FSTL4: variants seen among roughly 807,000 people sequenced by gnomAD.
FSTL4 encodes the protein follistatin-related protein 4.
Under a neutral mutation model 78.2 loss-of-function variants are expected in FSTL4, and 28 were observed. The ratio of observed to expected loss-of-function variants is 0.36; its 90% confidence interval spans 0.27 to 0.49. FSTL4 has a LOEUF of 0.49. Ranked by LOEUF, FSTL4 falls within the 20% of genes least tolerant of loss-of-function variation. FSTL4 has a pLI of 0.98. For synonymous variants in FSTL4, 422 were observed against 440.5 expected (o/e 0.96, Z 0.53); for missense variants, 922 against 1,084.9 (o/e 0.85, Z 2.11).
At chr5:133,307,735 G>C (rs1457252615) in intron 6 of FSTL4, among the ~76,000 whole-genome samples, 1 of 151,376 alleles carries the variant, frequency 6.6e-6, no homozygotes, top group Non-Finnish European at 1.5e-5. Flanking sequence ...CCCCAACTCT[G>C]TCTCTGGGAG....
intron 3 of FSTL4, among the ~76,000 whole-genome samples, chr5:133,492,574 A>G (rs2112869448): frequency 6.6e-6 from 1 of 152,334 alleles, no homozygotes; most frequent in East Asian, 1.9e-4. Context: ...GTTTGCAATT[A>G]GAAATTGTTC....
intron 3 of FSTL4, among the ~76,000 whole-genome samples, chr5:133,425,395 G>A (rs1283615753): frequency 1.3e-5 from 2 of 152,160 alleles, no homozygotes; most frequent in African/African-American, 4.8e-5. Context: ...GCTGTTAACC[G>A]CGCATCGCCA....
At chr5:133,215,810 T>G (rs1361805914) in intron 13 of FSTL4, among the ~76,000 whole-genome samples, 1 of 152,148 alleles carries the variant, frequency 6.6e-6, no homozygotes, top group African/African-American at 2.4e-5. Flanking sequence ...GGCCCCTTCA[T>G]CCCATCTTCA....
In FSTL4 at chr5:133,225,340, C is replaced by T; in HGVS notation, c.1178-56G>A. Reference sequence around the variant, plus strand: ...GCTCAGCTGGAGACCCACTCACTTTCCTTTATGGGGCCATTGAGAGTGTTA... The same window carrying T: ...GCTCAGCTGGAGACCCACTCACTTTTCTTTATGGGGCCATTGAGAGTGTTA... On this transcript the variant is annotated intron_variant, in intron 9 of 15. Transcript: ENST00000265342. The surrounding 1 kb of genome is among the most constrained non-coding windows in gnomAD (Gnocchi z 4.6). The T allele has an allele frequency of 2.5e-6, 4 of 1,607,970 alleles. No homozygotes were observed. The highest frequency in any genetic ancestry group is 3.4e-6 in the Non-Finnish European group (4 of 1,175,166).
chr5:133,684,774 G>A, the FSTL4 span, among the ~76,000 whole-genome samples: 1 of 152,176 alleles, frequency 6.6e-6, no homozygotes, highest in Non-Finnish European at 1.5e-5. Flanking sequence ...ATGGCAGTCT[G>A]GAGAGATGGC....
intron 3 of FSTL4, among the ~76,000 whole-genome samples, chr5:133,459,987 C>T (rs933710451): frequency 7.9e-5 from 12 of 152,182 alleles, no homozygotes; most frequent in Admixed American, 3.9e-4. Flanking sequence ...ACTTCAGCTA[C>T]GAAAGGAAAT....
At chr5:133,295,033 C>T (rs1343041103) in intron 6 of FSTL4, among the ~76,000 whole-genome samples, 1 of 152,148 alleles carries the variant, frequency 6.6e-6, no homozygotes, top group Non-Finnish European at 1.5e-5. Flanking sequence ...GACTAGGGCC[C>T]TCAAGTGGGT....
the FSTL4 span, among the ~76,000 whole-genome samples, chr5:133,683,704 A>G: frequency 6.6e-6 from 1 of 152,228 alleles, no homozygotes; most frequent in African/African-American, 2.4e-5. Context: ...GATTGAAAAC[A>G]TAACCAAGGA....
At chr5:133,678,143 G>A in the FSTL4 span, among the ~76,000 whole-genome samples, 2 of 152,122 alleles carry the variant, frequency 1.3e-5, no homozygotes, top group African/African-American at 4.8e-5. Context: ...GTTGTGTGTG[G>A]AGCCCACATC....
chr5:133,746,281 G>T, the FSTL4 span, among the ~76,000 whole-genome samples: 1 of 152,202 alleles, frequency 6.6e-6, no homozygotes, highest in Non-Finnish European at 1.5e-5. Context: ...GCACACTTTA[G>T]TACGTGTGTG....
rs1341524083 is a variant in FSTL4, at chr5:133,196,950, C to G, written c.*2145G>C. On this transcript the variant is annotated 3_prime_UTR_variant, in exon 16 of 16. Coordinates refer to ENST00000265342, the MANE Select transcript of FSTL4 (RefSeq NM_015082.2). ...TCCAGGAAATGCACTCTGAGGACAG[C>G]AAAGGGCAGCTATGCTTTTTTAGAC... 2.0e-5 allele frequency: 3 copies of G among 152,256 alleles called. No individual in the cohort carries two copies. Among genetic ancestry groups the G allele is most frequent in the African/African-American group, 7.2e-5 (3 of 41,448 alleles). The allele number at this position is 152,256 out of a possible 1,614,324, so 9.4% of individuals were successfully genotyped here. A position where few individuals can be genotyped will look rare whatever the true frequency, so the allele number is the denominator to read the frequency against.
chr5:133,232,457 G>C (rs1408685849), intron 8 of FSTL4, among the ~76,000 whole-genome samples: 1 of 152,140 alleles, frequency 6.6e-6, no homozygotes, highest in East Asian at 1.9e-4. Flanking sequence ...TCTCTGAGGG[G>C]CCACCAGCTC....
At chr5:133,268,247 C>T (rs1354308784) in intron 6 of FSTL4, among the ~76,000 whole-genome samples, 1 of 152,180 alleles carries the variant, frequency 6.6e-6, no homozygotes, top group African/African-American at 2.4e-5. Flanking sequence ...CTGGGAGCTT[C>T]ATCTATTGTC....
At chr5:133,692,980 A>G in the FSTL4 span, among the ~76,000 whole-genome samples, 1 of 152,252 alleles carries the variant, frequency 6.6e-6, no homozygotes, top group African/African-American at 2.4e-5. Flanking sequence ...TTTGAGCCAC[A>G]TATATCTCAC....
At position 133,429,341 on chromosome 5, in the gene FSTL4, C is replaced by A. The variant is rs754773209; in HGVS notation, c.161-28355G>T. Among the ~76,000 whole-genome samples the A allele has an allele frequency of 3.5e-4, 54 of 152,232 alleles. 1 individual carries two copies. The Middle Eastern group carries it at 0.02, about 58-fold the overall frequency. ...GCTTAAAGTGCCCTCTGGAAATGAT[C>A]ATCTCCACAACAATCTCACAAGGGA... On this transcript the variant is annotated intron_variant, in intron 3 of 15. Coordinates refer to ENST00000265342, the MANE Select transcript of FSTL4 (RefSeq NM_015082.2).
chr5:133,227,851 C>T (rs1274905191), intron 8 of FSTL4, among the ~76,000 whole-genome samples: 1 of 152,090 alleles, frequency 6.6e-6, no homozygotes, highest in Non-Finnish European at 1.5e-5. Flanking sequence ...AAAAAGAACA[C>T]AGAAGGGATT....
Position 133,380,397 on chromosome 5 carries a change from A to G in FSTL4, c.409+20341T>C, listed in dbSNP as rs182690572. ...ACAAAATAAAAAGGATTATAAGGGA[A>G]GAGTATGAACAAGTATATGCCAATA... On this transcript the variant is annotated intron_variant, in intron 4 of 15. Coordinates refer to ENST00000265342, the MANE Select transcript of FSTL4 (RefSeq NM_015082.2). Among the ~76,000 whole-genome samples the G allele has an allele frequency of 3.3e-3, 509 of 152,268 alleles. 1 individual carries two copies. Among genetic ancestry groups the G allele is most frequent in the Non-Finnish European group, 5.5e-3 (374 of 68,012 alleles).
intron 3 of FSTL4, among the ~76,000 whole-genome samples, chr5:133,540,825 A>G (rs2112918649): frequency 6.6e-6 from 1 of 151,778 alleles, no homozygotes; most frequent in East Asian, 1.9e-4. Context: ...CATCAAGTTT[A>G]TTTAGCATAT....
chr5:133,495,906 T>C (rs1758359297), intron 3 of FSTL4, among the ~76,000 whole-genome samples: 1 of 152,136 alleles, frequency 6.6e-6, no homozygotes, highest in Admixed American at 6.5e-5. Context: ...GGACATCAAG[T>C]GGGGTTCCTC....
Sources: gnomAD v4.1 joint callset for allele counts (sites outside exome capture counted in the v4.1 genomes callset) on GRCh38, gnomAD v4.1.1 for gene constraint, Gnocchi (gnomAD v3.1) non-coding constraint, MANE v1.5 for transcripts, NCBI Gene and HGNC (gene_info 2026-07-23, HGNC 2026-07-21) for gene names.